The following PEBP4 variants were observed in gnomAD, a reference collection of about 807,000 sequenced individuals.
The protein encoded by PEBP4 is phosphatidylethanolamine binding protein 4.
PEBP4 carries 22 observed loss-of-function variants against 23.9 expected under a neutral mutation model. That is an observed-to-expected ratio of 0.92 (90% CI 0.66 to 1.31). The LOEUF is 1.31. Ranked by LOEUF, PEBP4 falls within the 40% of genes most tolerant of loss-of-function variation. The pLI is 0.00. For missense variants in PEBP4, 324 were observed against 281.7 expected, an observed-to-expected ratio of 1.15 and a Z score of -1.07; for synonymous variants, 112 against 99.3, an observed-to-expected ratio of 1.13 and a Z score of -0.76.
intron 2 of PEBP4, among the ~76,000 whole-genome samples, chr8:22,922,561 C>T (rs1288287870): frequency 7.4e-6 from 1 of 135,530 alleles, no homozygotes; most frequent in East Asian, 2.3e-4. Context: ...CCTGTTTCTA[C>T]CAAAAATTAA....
At chr8:22,839,425 A>ATCAAGAAG (rs1807275070) in intron 3 of PEBP4, among the ~76,000 whole-genome samples, 1 of 152,104 alleles carries the variant, frequency 6.6e-6, no homozygotes, top group Admixed American at 6.5e-5. Context: ...GCTGGTGGGG[A>ATCAAGAAG]GGCAGAGGCT....
chr8:22,933,653 C>T (rs143115241), intron 1 of PEBP4, among the ~76,000 whole-genome samples: 259 of 152,286 alleles, frequency 1.7e-3, no homozygotes, highest in African/African-American at 5.9e-3. Flanking sequence ...ACCAGCACTG[C>T]CCTGCAAGAA....
chr8:22,831,211 C>T (rs1382230160), intron 3 of PEBP4, among the ~76,000 whole-genome samples: 2 of 152,132 alleles, frequency 1.3e-5, no homozygotes, highest in African/African-American at 4.8e-5. Flanking sequence ...TTCCTGAGCC[C>T]CATTCTAGAT....
chr8:22,835,589 G>A (rs537947940), intron 3 of PEBP4, among the ~76,000 whole-genome samples: 3 of 152,332 alleles, frequency 2.0e-5, no homozygotes, highest in Admixed American at 6.5e-5. Context: ...AGCACTGGAA[G>A]GAATAGGGAT....
In PEBP4 at chr8:22,822,354, A is replaced by AGAGTGTGT. The variant is rs140574605; in HGVS notation, c.259-4620_259-4619insACACACTC. Among the ~76,000 whole-genome samples, 98 of 147,854 alleles carry AGAGTGTGT rather than the reference A, an allele frequency of 6.6e-4. 1 individual carries two copies. Among genetic ancestry groups the AGAGTGTGT allele is most frequent in the Admixed American group, 4.4e-3 (66 of 14,886 alleles). ...GGTGAAAAGAAGGAATATATACTAAAGTGTGTGTGTGTGTGTGTGTGTGTA... is the reference window on the plus strand; with the variant it reads ...GGTGAAAAGAAGGAATATATACTAAAGAGTGTGTGTGTGTGTGTGTGTGTGTGTGTGTA... On this transcript the variant is annotated intron_variant, in intron 3 of 6. Coordinates refer to ENST00000256404, the MANE Select transcript of PEBP4 (RefSeq NM_144962.3).
At chr8:22,735,698 C>A (rs1804846073) in intron 4 of PEBP4, among the ~76,000 whole-genome samples, 2 of 152,322 alleles carry the variant, frequency 1.3e-5, no homozygotes, top group East Asian at 1.9e-4. Flanking sequence ...GGCTGAGCTG[C>A]CTTCCCTGTC....
chr8:22,811,810 T>C (rs1038200159), intron 4 of PEBP4, among the ~76,000 whole-genome samples: 1 of 152,226 alleles, frequency 6.6e-6, no homozygotes, highest in Non-Finnish European at 1.5e-5. Context: ...ACTCATCTAG[T>C]TTCAAAGGGC....
intron 4 of PEBP4, among the ~76,000 whole-genome samples, chr8:22,806,528 T>C (rs1001656730): frequency 1.3e-5 from 2 of 151,512 alleles, no homozygotes; most frequent in African/African-American, 4.9e-5. Context: ...GGCAGGAGAA[T>C]TGCTTGAAGC....
chr8:22,855,234 A>G (rs929885128), intron 3 of PEBP4, among the ~76,000 whole-genome samples: 39 of 152,256 alleles, frequency 2.6e-4, no homozygotes, highest in African/African-American at 9.1e-4. Context: ...TGTGCCCTGC[A>G]TGGGGTGAAT....
intron 3 of PEBP4, among the ~76,000 whole-genome samples, chr8:22,903,290 A>G (rs1350262812): frequency 6.6e-6 from 1 of 152,202 alleles, no homozygotes; most frequent in Non-Finnish European, 1.5e-5. Context: ...TGCTTAACCT[A>G]TGTGTACCTC....
At chr8:22,867,866 C>T (rs940656509) in intron 3 of PEBP4, among the ~76,000 whole-genome samples, 1 of 152,222 alleles carries the variant, frequency 6.6e-6, no homozygotes, top group Non-Finnish European at 1.5e-5. Flanking sequence ...AGGACCACAT[C>T]TGGCATGTTA....
chr8:22,888,498 A>G (rs1449078078), intron 3 of PEBP4, among the ~76,000 whole-genome samples: 1 of 152,158 alleles, frequency 6.6e-6, no homozygotes, highest in Non-Finnish European at 1.5e-5. Context: ...GGCCCCTGCT[A>G]TGAGGGTGGG....
chr8:22,746,876 A>G (rs1170319115), intron 4 of PEBP4, among the ~76,000 whole-genome samples: 1 of 151,806 alleles, frequency 6.6e-6, no homozygotes, highest in Non-Finnish European at 1.5e-5. Context: ...GAATTATTTG[A>G]CTCTCGTTCT....
intron 3 of PEBP4, among the ~76,000 whole-genome samples, chr8:22,867,134 C>A (rs1026698889): frequency 2.0e-5 from 3 of 152,170 alleles, no homozygotes; most frequent in Non-Finnish European, 4.4e-5. Flanking sequence ...TAAAATCTGC[C>A]CTTTCCCTTG....
In PEBP4 at chr8:22,875,110, C is replaced by T. The variant is rs151199849; in HGVS notation, c.258+45074G>A. Among the ~76,000 whole-genome samples the T allele has an allele frequency of 6.6e-5, 10 of 152,012 alleles. No homozygotes were observed. In the East Asian group the frequency reaches 7.7e-4, roughly 12 times the overall value. The stretch of plus-strand genomic sequence containing the variant: ...CCTTCGCCACCTCAGGACTCAGCCT[C>T]GTTAGTGAAATAATGAATTTAGCCC... On this transcript the variant is annotated intron_variant, in intron 3 of 6. Transcript: ENST00000256404.
chr8:22,845,685 G>C (rs745674045), intron 3 of PEBP4, among the ~76,000 whole-genome samples: 3 of 152,208 alleles, frequency 2.0e-5, no homozygotes, highest in Non-Finnish European at 4.4e-5. Flanking sequence ...CCATCCTTCA[G>C]GTTGAGAAAT....
intron 5 of PEBP4, among the ~76,000 whole-genome samples, chr8:22,725,999 A>ACGTGTGTGTG: frequency 6.8e-6 from 1 of 146,444 alleles, no homozygotes; most frequent in East Asian, 2.0e-4. Flanking sequence ...GATCAGATAT[A>ACGTGTGTGTG]TGTGTGTGTG....
At chr8:22,789,740 C>T (rs955611945) in intron 4 of PEBP4, among the ~76,000 whole-genome samples, 2 of 152,208 alleles carry the variant, frequency 1.3e-5, no homozygotes, top group Non-Finnish European at 2.9e-5. Flanking sequence ...GAAATGGATG[C>T]TCACCTTGTC....
chr8:22,939,684 G>C (rs78456253), intron 1 of PEBP4, among the ~76,000 whole-genome samples: 1 of 151,628 alleles, frequency 6.6e-6, no homozygotes, highest in African/African-American at 2.4e-5. Flanking sequence ...GCAATGATGG[G>C]GCTGGCAAAG....
Sources: allele counts gnomAD v4.1 joint callset (sites outside exome capture counted in the v4.1 genomes callset), GRCh38; gene constraint gnomAD v4.1.1; transcripts MANE v1.5; gene names NCBI Gene and HGNC (gene_info 2026-07-23, HGNC 2026-07-21).